The following RPA1 variants were observed in gnomAD, a reference collection of about 807,000 sequenced individuals.
RPA1 encodes the protein replication protein A1, also known as replication protein A 70 kDa DNA-binding subunit.
A neutral mutation model predicts 83.0 loss-of-function variants in RPA1; 49 were observed. The observed-to-expected ratio is 0.59, with a 90% CI of 0.47 to 0.75. The LOEUF (loss-of-function observed/expected upper bound fraction) is 0.75. Ranked by LOEUF, RPA1 falls within the 30% of genes least tolerant of loss-of-function variation. The pLI is 0.00. For missense variants in RPA1, 693 were observed against 776.1 expected, an observed-to-expected ratio of 0.89 and a Z score of 1.27; for synonymous variants, 279 against 281.8, an observed-to-expected ratio of 0.99 and a Z score of 0.10.
Position 1,888,772 on chromosome 17 carries a change from T to C in RPA1, c.1472T>C (p.Ile491Thr), listed in dbSNP as rs1381205670. Residue 491 changes from isoleucine to threonine, a missense_variant, in exon 14 of 17, where the codon ATT becomes ACT. Transcript: ENST00000254719. ...CPTQDCNKKVIDQQNGLYRCE... is the reference protein window; with the variant it reads ...CPTQDCNKKVTDQQNGLYRCE... The stretch of plus-strand genomic sequence containing the variant: ...ACTCAGGACTGCAATAAGAAAGTGA[T>C]TGATCAACAGAATGGATTGTACCGC... 2.5e-6 allele frequency: 4 copies of C among 1,614,090 alleles called. No individual in the cohort carries two copies. Among genetic ancestry groups the C allele is most frequent in the Non-Finnish European group, 3.4e-6 (4 of 1,180,048 alleles).
At chr17:1,887,364 C>T (rs1161248015) in intron 13 of RPA1, among the ~76,000 whole-genome samples, 2 of 151,558 alleles carry the variant, frequency 1.3e-5, no homozygotes, top group Non-Finnish European at 2.9e-5. Context: ...TCGAGACCAT[C>T]CTGACCAACG....
intron 5 of RPA1, chr17:1,858,260 C>G (rs1243690890): frequency 6.2e-7 from 1 of 1,613,028 alleles, no homozygotes; most frequent in Non-Finnish European, 8.5e-7. Context: ...AAATAAGACT[C>G]AAAGTTCCCA....
chr17:1,864,393 G>T (rs1913103461), intron 5 of RPA1, among the ~76,000 whole-genome samples: 1 of 151,668 alleles, frequency 6.6e-6, no homozygotes, highest in African/African-American at 2.4e-5. Flanking sequence ...AAAAAAATTA[G>T]CTGGGCATAG....
intron 5 of RPA1, among the ~76,000 whole-genome samples, chr17:1,860,262 T>C (rs1290709280): frequency 1.3e-5 from 2 of 152,156 alleles, no homozygotes; most frequent in Non-Finnish European, 2.9e-5. Context: ...CGGGCCTGCC[T>C]GTGGACTGCC....
At chr17:1,836,103 G>A (rs1420760787) in intron 1 of RPA1, among the ~76,000 whole-genome samples, 1 of 139,752 alleles carries the variant, frequency 7.2e-6, no homozygotes. Flanking sequence ...ATAGTAAATT[G>A]CACCTTTTTT....
intron 5 of RPA1, 143 bp from the exon 6 acceptor site, chr17:1,872,291 A>T: frequency 8.0e-7 from 1 of 1,257,792 alleles, no homozygotes; most frequent in South Asian, 1.5e-5. Context: ...GTGCCATGGA[A>T]TGCCTCAGCA....
intron 6 of RPA1, among the ~76,000 whole-genome samples, chr17:1,874,032 T>TATATACACACACACAC (rs1171343408): frequency 2.5e-5 from 2 of 79,256 alleles, no homozygotes; most frequent in African/African-American, 1.3e-4. Flanking sequence ...TATATATATA[T>TATATACACACACACAC]ACACACACAC....
At chr17:1,844,136 C>T (rs760333196) in intron 3 of RPA1, 138 bp downstream of exon 3, 16 of 663,732 alleles carry the variant, frequency 2.4e-5, no homozygotes, top group African/African-American at 3.6e-5. Context: ...GACAGAATTG[C>T]AGCTGTCAGA....
intron 2 of RPA1, 127 bp from the exon 3 acceptor site, chr17:1,843,793 G>T (rs1912150284): frequency 1.5e-6 from 1 of 647,478 alleles, no homozygotes; most frequent in Non-Finnish European, 2.7e-6. Context: ...TTGGATTTAA[G>T]TGTCAAGAGA....
At chr17:1,852,176 T>C (rs1912520066) in intron 4 of RPA1, among the ~76,000 whole-genome samples, 2 of 152,190 alleles carry the variant, frequency 1.3e-5, no homozygotes, top group Non-Finnish European at 2.9e-5. Flanking sequence ...GCAACAACTG[T>C]GGGCCATTTG....
chr17:1,894,420 G>A (rs995886776), intron 15 of RPA1, among the ~76,000 whole-genome samples: 25 of 152,232 alleles, frequency 1.6e-4, no homozygotes, highest in Non-Finnish European at 2.6e-4. Context: ...ACCCGCTTCC[G>A]CTTCCCAAAG....
At chr17:1,840,022 A>T (rs1269563821) in intron 1 of RPA1, among the ~76,000 whole-genome samples, 1 of 151,588 alleles carries the variant, frequency 6.6e-6, no homozygotes, top group Non-Finnish European at 1.5e-5. Context: ...CGAACTCCTG[A>T]CCTCAAGCGA....
intron 13 of RPA1, among the ~76,000 whole-genome samples, chr17:1,885,369 C>A (rs1004706918): frequency 6.6e-6 from 1 of 152,166 alleles, no homozygotes; most frequent in Admixed American, 6.6e-5. Context: ...CCTCCTCCAC[C>A]AAAGTCTTGA....
chr17:1,871,171 A>G (rs12944299), intron 5 of RPA1, among the ~76,000 whole-genome samples: 1 of 152,258 alleles, frequency 6.6e-6, no homozygotes, highest in Non-Finnish European at 1.5e-5. Context: ...AAATGTAAAC[A>G]CAAAAATTTC....
intron 7 of RPA1, among the ~76,000 whole-genome samples, chr17:1,876,340 A>T (rs1187194966): frequency 6.6e-6 from 1 of 152,164 alleles, no homozygotes; most frequent in Non-Finnish European, 1.5e-5. Flanking sequence ...GGATCACCTG[A>T]GGTCGGGAGT....
At chr17:1,859,205 G>C (rs1449297069) in intron 5 of RPA1, among the ~76,000 whole-genome samples, 5 of 152,086 alleles carry the variant, frequency 3.3e-5, no homozygotes, top group Non-Finnish European at 5.9e-5. Context: ...CCCCAGCCTT[G>C]AGTCTTATTT....
At chr17:1,880,207 G>A (rs962440635) in intron 11 of RPA1, among the ~76,000 whole-genome samples, 19 of 152,150 alleles carry the variant, frequency 1.2e-4, no homozygotes, top group African/African-American at 4.3e-4. Context: ...GCTCCTCGTG[G>A]GGGCGGTTTT....
intron 15 of RPA1, among the ~76,000 whole-genome samples, chr17:1,893,470 T>C (rs189413422): frequency 6.6e-5 from 10 of 152,394 alleles, no homozygotes; most frequent in African/African-American, 2.4e-4. Flanking sequence ...TTTGATCAAG[T>C]AACCTTTACA....
intron 4 of RPA1, among the ~76,000 whole-genome samples, chr17:1,848,023 C>T (rs149206291): frequency 1.6e-3 from 246 of 151,700 alleles, no homozygotes; most frequent in Middle Eastern, 6.8e-3. Flanking sequence ...AAAAAAAAAG[C>T]GTATCTCTGA....
Sources: allele counts gnomAD v4.1 joint callset (sites outside exome capture counted in the v4.1 genomes callset), GRCh38; gene constraint gnomAD v4.1.1; transcripts MANE v1.5; gene names NCBI Gene and HGNC (gene_info 2026-07-23, HGNC 2026-07-21).